The following MYBPHL variants were observed in gnomAD, a reference collection of about 807,000 sequenced individuals.
MYBPHL encodes myosin binding protein H like, also known as myosin-binding protein H-like.
MYBPHL carries 32 observed loss-of-function variants against 39.5 expected under a neutral mutation model. The observed-to-expected ratio is 0.81, with a 90% CI of 0.61 to 1.09. The LOEUF is 1.09. Among genes scored for constraint, MYBPHL ranks in the 50% least tolerant of loss-of-function variants. MYBPHL has a pLI of 0.00. For synonymous variants in MYBPHL, 196 were observed against 183.7 expected (o/e 1.07, Z -0.54); for missense variants, 456 against 460.2 (o/e 0.99, Z 0.08).
At chr1:109,299,948 G>T (rs1658225372) in intron 1 of MYBPHL, among the ~76,000 whole-genome samples, 1 of 152,228 alleles carries the variant, frequency 6.6e-6, no homozygotes, top group Non-Finnish European at 1.5e-5. Context: ...AAGACGGGCG[G>T]ATATGACTTA....
chr1:109,300,916 T>C (rs889206129), intron 1 of MYBPHL, among the ~76,000 whole-genome samples: 2 of 152,078 alleles, frequency 1.3e-5, no homozygotes, highest in South Asian at 4.1e-4. Flanking sequence ...AGGCCTCTGC[T>C]CCCAGCAGGC....
At position 109,298,160 on chromosome 1, in the gene MYBPHL, C is replaced by T. The variant is rs1276691990; in HGVS notation, c.234+9G>A. ...AGACATGGACCCAGTATGGGGCTGG[C>T]ATGATCACCTGGAATGGGATTAGTA... On this transcript the variant is annotated intron_variant, in intron 2 of 8. Coordinates refer to ENST00000357155, the MANE Select transcript of MYBPHL (RefSeq NM_001010985.3). 3.1e-6 allele frequency: 5 copies of T among 1,600,576 alleles called. No homozygotes were observed. Among genetic ancestry groups the T allele is most frequent in the African/African-American group, 1.4e-5 (1 of 74,008 alleles).
intron 8 of MYBPHL, 98 bp downstream of exon 8, chr1:109,294,108 G>T: frequency 1.2e-6 from 1 of 811,990 alleles, no homozygotes. Flanking sequence ...GTGGATACAT[G>T]ACTGAAAGGC....
At position 109,295,340 on chromosome 1, in the gene MYBPHL, T is replaced by C. The variant is rs200535779; in HGVS notation, c.868-43A>G. ...GGGAGGCAGCAAGGAGGGGCGAGGG[T>C]AAGAACCAATAGTCTTTCTGTGCTC... is the stretch of plus-strand genomic sequence containing the variant. On this transcript the variant is annotated intron_variant, in intron 6 of 8. Transcript: ENST00000357155. 178 of 1,559,312 alleles carry C rather than the reference T, an allele frequency of 1.1e-4. No individual in the cohort carries two copies. In the African/African-American group the frequency reaches 2.1e-3, roughly 18 times the overall value.
In MYBPHL at chr1:109,297,052, C is replaced by T. The variant is rs372747640; in HGVS notation, c.568G>A (p.Gly190Arg). The T allele has an allele frequency of 2.2e-5, 36 of 1,614,146 alleles. No individual in the cohort carries two copies. In the East Asian group the frequency reaches 3.1e-4, roughly 14 times the overall value. The change falls in exon 4 of 9, where the codon GGG becomes AGG. Residue 190 changes from glycine (G) to arginine (R), a missense_variant and splice_region_variant. Gly to Arg is a moderately radical substitution (Grantham distance 125). Coordinates refer to ENST00000357155, the MANE Select transcript of MYBPHL (RefSeq NM_001010985.3). ...YTVQKADTKSGLWFTVLEHYH... is the reference protein window; with the variant it reads ...YTVQKADTKSRLWFTVLEHYH... ...CCTTCCTTCCCAGCTGGCCTCACCC[C>T]GGATTTTGTGTCAGCCTTCTGCACC...
chr1:109,293,241 T>C (rs1657927767), intron 8 of MYBPHL, among the ~76,000 whole-genome samples: 1 of 152,152 alleles, frequency 6.6e-6, no homozygotes, highest in South Asian at 2.1e-4. Context: ...ATTGTTCCCT[T>C]GACATCTTTT....
At chr1:109,294,334 T>C in intron 7 of MYBPHL, 85 bp from the exon 8 acceptor site, 1 of 1,351,620 alleles carries the variant, frequency 7.4e-7, no homozygotes, top group Non-Finnish European at 1.1e-6. Flanking sequence ...AGGAATATTC[T>C]ATTTCAGGTT....
chr1:109,297,143 G>A lies in MYBPHL; in HGVS notation c.477C>T (p.Gly159=), dbSNP rs756898369. 6.2e-7 allele frequency: 1 copy of A among 1,614,182 alleles called. No individual in the cohort carries two copies. The part of the protein sequence containing the change: ...PQSIKLVDVW[G]FSATLEWTPP... Reference sequence around the variant, plus strand: ...GTGTCCATTCCAGTGTAGCGCTGAAGCCCCAAACGTCCACCAGCTTAATAC... The same window carrying A: ...GTGTCCATTCCAGTGTAGCGCTGAAACCCCAAACGTCCACCAGCTTAATAC... The change falls in exon 4 of 9, where the codon GGC becomes GGT. Residue 159 remains glycine, a synonymous_variant. Coordinates refer to ENST00000357155, the MANE Select transcript of MYBPHL (RefSeq NM_001010985.3).
chr1:109,297,000 C>T, intron 4 of MYBPHL, 50 bp downstream of exon 4: 1 of 1,614,002 alleles, frequency 6.2e-7, no homozygotes, highest in Non-Finnish European at 8.5e-7. Flanking sequence ...TACCAGAGGC[C>T]TGTCCCAACA....
chr1:109,296,268 G>T lies in MYBPHL; in HGVS notation c.833C>A (p.Thr278Asn). The change falls in exon 6 of 9, where the codon ACC becomes AAC. Residue 278 changes from threonine to asparagine, a missense_variant. Transcript: ENST00000357155. ...ADCTTVTGYNTQLFCCVRASP... is the reference protein window; with the variant it reads ...ADCTTVTGYNNQLFCCVRASP... ...GGCGCGGACACAGCAGAAGAGCTGG[G>T]TATTATAGCCGGTGACTGTAGTGCA... The T allele has an allele frequency of 1.2e-6, 2 of 1,614,026 alleles. No homozygotes were observed. The highest frequency in any genetic ancestry group is 1.1e-5 in the South Asian group (1 of 91,066).
rs373453280 is a variant in MYBPHL, at chr1:109,304,505, C to T, written c.145+2342G>A. Among the ~76,000 whole-genome samples, 5 of 152,156 alleles carry T rather than the reference C, an allele frequency of 3.3e-5. No homozygotes were observed. In the South Asian group the frequency reaches 6.2e-4, roughly 19 times the overall value. ...TTGCTGAGAGGCACACAGAGACCAT[C>T]GTGAAGGGGAAATTGAATGCTTCTT... On this transcript the variant is annotated intron_variant, in intron 1 of 8. Transcript: ENST00000357155.
chr1:109,297,221 G>T (rs1658109243), intron 3 of MYBPHL, 32 bp from the exon 4 acceptor site: 2 of 1,613,978 alleles, frequency 1.2e-6, no homozygotes, highest in Non-Finnish European at 1.7e-6. Flanking sequence ...AGTGGGCGTG[G>T]AACATCCCAC....
intron 6 of MYBPHL, 52 bp from the exon 7 acceptor site, chr1:109,295,349 A>G (rs1293137641): frequency 4.6e-6 from 7 of 1,531,474 alleles, no homozygotes; most frequent in African/African-American, 1.4e-5. Context: ...GTAAGAACCA[A>G]TAGTCTTTCT....
intron 2 of MYBPHL, among the ~76,000 whole-genome samples, chr1:109,297,958 C>T (rs1658144376): frequency 6.6e-6 from 1 of 152,238 alleles, no homozygotes; most frequent in South Asian, 2.1e-4. Context: ...GGATTAGCCT[C>T]ACACCATCTC....
Position 109,297,595 on chromosome 1 carries a change from A to G in MYBPHL, c.257T>C (p.Ile86Thr), listed in dbSNP as rs1326047809. The change falls in exon 3 of 9, where the codon ATC (isoleucine) becomes ACC (threonine). Residue 86 changes from isoleucine to threonine, a missense_variant. By Grantham distance (89) the Ile-to-Thr change is moderately conservative. Coordinates refer to ENST00000357155, the MANE Select transcript of MYBPHL (RefSeq NM_001010985.3). ...PFQGKPKPQA[I>T]WTHDGCALDT... ...CAAGGCACAGCCATCATGTGTCCAGATGGCTTGAGGTTTGGGCTTGCCCTG... is the reference window on the plus strand; with the variant it reads ...CAAGGCACAGCCATCATGTGTCCAGGTGGCTTGAGGTTTGGGCTTGCCCTG... The G allele has an allele frequency of 6.2e-7, 1 of 1,613,492 alleles. No homozygotes were observed. Among genetic ancestry groups the G allele is most frequent in the Non-Finnish European group, 8.5e-7 (1 of 1,179,918 alleles).
In MYBPHL at chr1:109,306,962, G is replaced by A. The variant is rs374259273; in HGVS notation, c.30C>T (p.Ala10=). Residue 10 remains alanine (A), a synonymous_variant, in exon 1 of 9, where the codon GCC becomes GCT. Coordinates refer to ENST00000357155, the MANE Select transcript of MYBPHL (RefSeq NM_001010985.3). MEAATAPEV[A]AGSKLKVKEA... is the part of the protein sequence containing the mutation. The stretch of plus-strand genomic sequence containing the variant: ...CTTTCACCTTCAGCTTGGATCCTGC[G>A]GCCACCTCCGGAGCTGTGGCTGCCT... The A allele has an allele frequency of 1.2e-5, 20 of 1,610,532 alleles. No individual in the cohort carries two copies. The highest frequency in any genetic ancestry group is 1.7e-5 in the Non-Finnish European group (20 of 1,178,558).
intron 3 of MYBPHL, 110 bp from the exon 4 acceptor site, chr1:109,297,299 C>A: frequency 6.4e-7 from 1 of 1,570,744 alleles, no homozygotes; most frequent in South Asian, 1.2e-5. Context: ...CTGCGCCCAC[C>A]CTGTGTCCCA....
intron 1 of MYBPHL, among the ~76,000 whole-genome samples, chr1:109,299,302 C>G (rs1658200648): frequency 6.6e-6 from 1 of 152,226 alleles, no homozygotes; most frequent in South Asian, 2.1e-4. Context: ...AACTTCACCC[C>G]TGGTACATTC....
chr1:109,304,592 A>G (rs1455445601), intron 1 of MYBPHL, among the ~76,000 whole-genome samples: 1 of 152,172 alleles, frequency 6.6e-6, no homozygotes, highest in Non-Finnish European at 1.5e-5. Context: ...CTATGGGAGC[A>G]GTGGGGGATT....
Sources: allele counts gnomAD v4.1 joint callset (sites outside exome capture counted in the v4.1 genomes callset), GRCh38; gene constraint gnomAD v4.1.1; transcripts MANE v1.5; gene names NCBI Gene and HGNC (gene_info 2026-07-23, HGNC 2026-07-21).